The following B3GLCT variants were observed in gnomAD, a reference collection of about 807,000 sequenced individuals.
B3GLCT encodes beta 3-glucosyltransferase, also known as beta-1,3-glucosyltransferase.
A neutral mutation model predicts 63.4 loss-of-function variants in B3GLCT; 65 were observed. The observed-to-expected ratio is 1.03, with a 90% CI of 0.84 to 1.26. B3GLCT has a LOEUF of 1.26. Ranked by LOEUF, B3GLCT falls within the 50% of genes most tolerant of loss-of-function variation. The probability of loss-of-function intolerance (pLI) is 0.00; values close to 1 mark genes in which losing one functional copy is unlikely to be tolerated. For missense variants in B3GLCT, 577 were observed against 604.8 expected, an observed-to-expected ratio of 0.95 and a Z score of 0.48; for synonymous variants, 233 against 219.2, an observed-to-expected ratio of 1.06 and a Z score of -0.55.
intron 12 of B3GLCT, 135 bp from the exon 13 acceptor site, chr13:31,317,431 T>TTCA: frequency 9.9e-7 from 1 of 1,005,862 alleles, no homozygotes. Context: ...ATTTTATAAG[T>TTCA]CACTCAAATT....
chr13:31,205,880 A>G (rs1438024831), intron 1 of B3GLCT, among the ~76,000 whole-genome samples: 1 of 152,270 alleles, frequency 6.6e-6, no homozygotes, highest in Non-Finnish European at 1.5e-5. Context: ...AAAAACAAGT[A>G]TAAGTATCAT....
chr13:31,292,585 A>C (rs887290273), intron 12 of B3GLCT, among the ~76,000 whole-genome samples: 12 of 152,024 alleles, frequency 7.9e-5, no homozygotes, highest in Non-Finnish European at 5.9e-5. Context: ...TAGATTTTCT[A>C]GTTTATTTGT....
At chr13:31,241,225 A>G (rs1870924582) in intron 4 of B3GLCT, among the ~76,000 whole-genome samples, 1 of 152,228 alleles carries the variant, frequency 6.6e-6, no homozygotes, top group Non-Finnish European at 1.5e-5. Flanking sequence ...GGCTCAGCCC[A>G]TTAAGGCAGA....
chr13:31,256,170 A>T (rs909689991), intron 6 of B3GLCT, among the ~76,000 whole-genome samples: 1 of 152,230 alleles, frequency 6.6e-6, no homozygotes, highest in Non-Finnish European at 1.5e-5. Context: ...AGCCAAAAAC[A>T]TATGAAAAAA....
At chr13:31,329,330 A>G (rs1467366905) in intron 14 of B3GLCT, among the ~76,000 whole-genome samples, 171 bp from the exon 15 acceptor site, 4 of 152,232 alleles carry the variant, frequency 2.6e-5, no homozygotes, top group African/African-American at 9.6e-5. Context: ...AAAGCAAAGC[A>G]CCTGGAGTTA....
chr13:31,207,961 G>T (rs1431713981), intron 1 of B3GLCT, among the ~76,000 whole-genome samples: 1 of 152,194 alleles, frequency 6.6e-6, no homozygotes, highest in Admixed American at 6.5e-5. Flanking sequence ...GAACATACAT[G>T]AACTCACTTA....
intron 3 of B3GLCT, among the ~76,000 whole-genome samples, chr13:31,227,512 G>A (rs1199797828): frequency 6.6e-6 from 1 of 152,156 alleles, no homozygotes; most frequent in Admixed American, 6.5e-5. Context: ...ATATAAAGCC[G>A]AGAAGCTGGT....
intron 14 of B3GLCT, among the ~76,000 whole-genome samples, chr13:31,326,426 G>T (rs1875626881): frequency 6.6e-6 from 1 of 151,810 alleles, no homozygotes; most frequent in Non-Finnish European, 1.5e-5. Context: ...TGGGACTATA[G>T]GTGTGTGCCA....
In B3GLCT at chr13:31,276,802, G is replaced by A. The variant is rs746247747; in HGVS notation, c.850+31G>A. ...TTTTGGGTTATTCATTTTATTGAAC[G>A]CTAAAATCCAGACTACCTTCTAAAG... is the stretch of plus-strand genomic sequence containing the variant. On this transcript the variant is annotated intron_variant, in intron 10 of 14. Transcript: ENST00000343307. 8 of 1,491,052 alleles carry A rather than the reference G, an allele frequency of 5.4e-6. 1 individual carries two copies. The highest frequency in any genetic ancestry group is 3.4e-5 in the South Asian group (3 of 88,442). 92.4% of individuals were successfully genotyped at this position (1,491,052 alleles called of 1,614,324 possible).
At chr13:31,221,374 T>C (rs1180935127) in intron 2 of B3GLCT, among the ~76,000 whole-genome samples, 2 of 152,088 alleles carry the variant, frequency 1.3e-5, no homozygotes, top group Admixed American at 1.3e-4. Context: ...TGGTCAAGAG[T>C]GGCATTTAGA....
At chr13:31,210,378 C>T (rs1261833241) in intron 1 of B3GLCT, among the ~76,000 whole-genome samples, 1 of 152,228 alleles carries the variant, frequency 6.6e-6, no homozygotes, top group Non-Finnish European at 1.5e-5. Flanking sequence ...ATTTTCCCTA[C>T]TGAATCTGGA....
chr13:31,259,039 T>C (rs920361573), intron 6 of B3GLCT, among the ~76,000 whole-genome samples: 1 of 152,206 alleles, frequency 6.6e-6, no homozygotes, highest in African/African-American at 2.4e-5. Flanking sequence ...TTCTCTGCTA[T>C]TGTGTTTAAT....
intron 3 of B3GLCT, among the ~76,000 whole-genome samples, chr13:31,225,729 T>A (rs1156966829): frequency 2.6e-5 from 4 of 152,148 alleles, no homozygotes; most frequent in African/African-American, 9.7e-5. Flanking sequence ...CTTTCACTGC[T>A]CCCTCTGTGG....
intron 6 of B3GLCT, among the ~76,000 whole-genome samples, chr13:31,254,427 A>G (rs1593276146): frequency 6.6e-6 from 1 of 152,204 alleles, no homozygotes; most frequent in South Asian, 2.1e-4. Flanking sequence ...GATTATCTCA[A>G]TAGATGCAGA....
chr13:31,215,113 A>G lies in B3GLCT; in HGVS notation c.120+13A>G. 6.2e-7 allele frequency: 1 copy of G among 1,609,222 alleles called. No homozygotes were observed. Among genetic ancestry groups the G allele is most frequent in the Non-Finnish European group, 8.5e-7 (1 of 1,177,468 alleles). ...CAAGCAGTCTCAGGTACTAATCCCA[A>G]TGATCAAATCTTTTCCTCCCTTCTA... On this transcript the variant is annotated intron_variant, in intron 2 of 14. Coordinates refer to ENST00000343307, the MANE Select transcript of B3GLCT (RefSeq NM_194318.4).
chr13:31,222,103 G>T (rs1403329302), intron 2 of B3GLCT, among the ~76,000 whole-genome samples: 3 of 137,438 alleles, frequency 2.2e-5, no homozygotes, highest in Non-Finnish European at 3.1e-5. Context: ...TTTTGATATG[G>T]AGTCTTGCTC....
At chr13:31,218,495 A>G (rs1869666683) in intron 2 of B3GLCT, among the ~76,000 whole-genome samples, 1 of 152,068 alleles carries the variant, frequency 6.6e-6, no homozygotes, top group African/African-American at 2.4e-5. Context: ...CTTTTTGTGA[A>G]TGGGATTGCT....
chr13:31,329,352 T>C (rs950569177), intron 14 of B3GLCT, 149 bp from the exon 15 acceptor site: 20 of 849,992 alleles, frequency 2.4e-5, no homozygotes, highest in South Asian at 1.2e-4. Context: ...AAGAAAGATA[T>C]CAGAAAATAG....
At chr13:31,212,257 G>A (rs1869300925) in intron 1 of B3GLCT, among the ~76,000 whole-genome samples, 1 of 143,748 alleles carries the variant, frequency 7.0e-6, no homozygotes, top group South Asian at 2.3e-4. Context: ...GCATGCTCTA[G>A]CATAACTGGC....
Sources: allele counts gnomAD v4.1 joint callset (sites outside exome capture counted in the v4.1 genomes callset), GRCh38; gene constraint gnomAD v4.1.1; transcripts MANE v1.5; gene names NCBI Gene and HGNC (gene_info 2026-07-23, HGNC 2026-07-21).